Variants in SWT1 observed in about 807,000 individuals in gnomAD.
SWT1 encodes SWT1 RNA endoribonuclease homolog.
In SWT1, 33 loss-of-function variants were observed where a neutral mutation model predicts 107.3. The ratio of observed to expected loss-of-function variants is 0.31; its 90% CI spans 0.23 to 0.41. SWT1 has a LOEUF of 0.41. SWT1 is among the 10% of genes least tolerant of loss of function. The pLI is 1.00. For missense variants in SWT1, 898 were observed against 1,028.9 expected (o/e 0.87, Z 1.74); for synonymous variants, 345 against 348.3 (o/e 0.99, Z 0.11).
chr1:185,251,786 A>T (rs543424393), intron 16 of SWT1, among the ~76,000 whole-genome samples: 1 of 150,428 alleles, frequency 6.6e-6, no homozygotes, highest in East Asian at 1.9e-4. Flanking sequence ...AAAACAATTT[A>T]TATATATATA....
intron 13 of SWT1, among the ~76,000 whole-genome samples, chr1:185,209,762 A>G (rs748075954): frequency 1.3e-4 from 20 of 152,204 alleles, no homozygotes; most frequent in Non-Finnish European, 2.6e-4. Context: ...GCTGGGTCAA[A>G]TGATATTTCT....
intron 10 of SWT1, among the ~76,000 whole-genome samples, chr1:185,196,732 A>G (rs1657424265): frequency 6.6e-6 from 1 of 151,804 alleles, no homozygotes; most frequent in South Asian, 2.1e-4. Flanking sequence ...TAGATATTTT[A>G]TTGTCTTTGT....
At chr1:185,199,758 T>C (rs1161701934) in intron 10 of SWT1, among the ~76,000 whole-genome samples, 1 of 152,188 alleles carries the variant, frequency 6.6e-6, no homozygotes, top group East Asian at 1.9e-4. Context: ...CTTTGTGGTG[T>C]TCTCTGTATT....
At chr1:185,158,304 G>A (rs1653815510) in intron 1 of SWT1, among the ~76,000 whole-genome samples, 1 of 151,760 alleles carries the variant, frequency 6.6e-6, no homozygotes, top group Non-Finnish European at 1.5e-5. Flanking sequence ...CCAGTTTAAT[G>A]GGAACAGATT....
At chr1:185,221,745 C>A (rs1299954536) in intron 14 of SWT1, 104 bp from the exon 15 acceptor site, 1 of 695,572 alleles carries the variant, frequency 1.4e-6, no homozygotes. Flanking sequence ...GAATTGCCAC[C>A]ACTTCTCAGA....
intron 18 of SWT1, among the ~76,000 whole-genome samples, chr1:185,287,940 C>T (rs1034996090): frequency 1.2e-4 from 18 of 151,994 alleles, no homozygotes; most frequent in African/African-American, 4.3e-4. Flanking sequence ...TTCTTAATTA[C>T]AAGGGGTGAG....
chr1:185,165,558 C>T (rs1249661182), intron 2 of SWT1, among the ~76,000 whole-genome samples: 1 of 152,198 alleles, frequency 6.6e-6, no homozygotes, highest in Non-Finnish European at 1.5e-5. Flanking sequence ...GCATTTGCTT[C>T]CTTATAGTCT....
chr1:185,163,258 C>T (rs1571384630), intron 2 of SWT1, among the ~76,000 whole-genome samples: 1 of 152,124 alleles, frequency 6.6e-6, no homozygotes, highest in Admixed American at 6.5e-5. Context: ...GTCTCTCAAA[C>T]CCTATGTAAT....
chr1:185,168,467 A>AT, intron 4 of SWT1, 69 bp downstream of exon 4: 6 of 988,130 alleles, frequency 6.1e-6, no homozygotes, highest in East Asian at 3.6e-5. Flanking sequence ...GGATTTAAAA[A>AT]TTTTTTTTAT....
rs549571123 is a variant in SWT1 at position 185,174,607 on chromosome 1, C to A, written c.460C>A (p.Pro154Thr). Reference protein sequence around the residue: ...LDHGIKSLSSPKIASDVKPKA... With the variant: ...LDHGIKSLSSTKIASDVKPKA... ...CCATGGAATTAAAAGCCTTAGTAGT[C>A]CTAAGATTGCCAGTGATGTGAAACC... The change falls in exon 5 of 19, where the codon CCT becomes ACT. Residue 154 changes from proline (P) to threonine (T), a missense_variant. Around this residue, in one of 6 missense-constraint regions of SWT1, gnomAD observed 382 missense variants for 362.4 expected, o/e 1.05. Transcript: ENST00000367500. 6.2e-7 allele frequency: 1 copy of A among 1,610,968 alleles called. No individual in the cohort carries two copies. The highest frequency in any genetic ancestry group is 1.7e-5 in the Admixed American group (1 of 59,234).
intron 9 of SWT1, among the ~76,000 whole-genome samples, chr1:185,186,832 G>C (rs1656513102): frequency 6.6e-6 from 1 of 151,244 alleles, no homozygotes; most frequent in African/African-American, 2.4e-5. Context: ...TCAGCTCACT[G>C]CAACCTCCAC....
intron 16 of SWT1, among the ~76,000 whole-genome samples, chr1:185,253,372 G>A (rs1662206868): frequency 6.6e-6 from 1 of 151,770 alleles, no homozygotes; most frequent in African/African-American, 2.4e-5. Flanking sequence ...ATTACCTTGG[G>A]CAGTATGGCC....
chr1:185,167,047 A>G (rs561209259), intron 3 of SWT1, among the ~76,000 whole-genome samples: 1 of 152,230 alleles, frequency 6.6e-6, no homozygotes, highest in African/African-American at 2.4e-5. Flanking sequence ...AGCTGGGATT[A>G]CAGGCGTGCA....
chr1:185,221,480 T>G (rs1324320791), intron 14 of SWT1, among the ~76,000 whole-genome samples: 1 of 152,156 alleles, frequency 6.6e-6, no homozygotes, highest in African/African-American at 2.4e-5. Context: ...CCTTTACATT[T>G]TCTTAAAACT....
chr1:185,245,615 A>G (rs1347174927), intron 16 of SWT1, among the ~76,000 whole-genome samples: 1 of 152,202 alleles, frequency 6.6e-6, no homozygotes, highest in Non-Finnish European at 1.5e-5. Context: ...TGTATGTGCT[A>G]TACTTTTAGA....
chr1:185,201,491 T>G lies in SWT1; in HGVS notation c.1524-1163T>G, dbSNP rs540107036. On this transcript the variant is annotated intron_variant, in intron 10 of 18. Coordinates refer to ENST00000367500, the MANE Select transcript of SWT1 (RefSeq NM_017673.7). ...AGGGCACAGTCCCTCACAGCTTCCC[T>G]TGGCTAGGGGAGGGAGTTCCCTGAC... 2.6e-5 allele frequency among the ~76,000 whole-genome samples: 4 copies of G among 152,256 alleles called. No individual in the cohort carries two copies. The East Asian group carries it at 7.7e-4, about 29-fold the overall frequency.
At chr1:185,237,596 T>C (rs1387502219) in intron 16 of SWT1, among the ~76,000 whole-genome samples, 3 of 152,036 alleles carry the variant, frequency 2.0e-5, no homozygotes, top group Non-Finnish European at 1.5e-5. Context: ...ATACCTAATG[T>C]AGATGATGGG....
At chr1:185,246,513 G>T (rs1661617145) in intron 16 of SWT1, among the ~76,000 whole-genome samples, 1 of 151,534 alleles carries the variant, frequency 6.6e-6, no homozygotes, top group Admixed American at 6.6e-5. Context: ...CTGGGCTCAA[G>T]CTATCCACCC....
intron 2 of SWT1, among the ~76,000 whole-genome samples, chr1:185,164,250 G>A (rs2102303006): frequency 1.3e-5 from 2 of 151,572 alleles, no homozygotes; most frequent in Admixed American, 1.3e-4. Context: ...AAACACATGT[G>A]CTGTCATCCA....
Sources: gnomAD v4.1 joint callset for allele counts (sites outside exome capture counted in the v4.1 genomes callset) on GRCh38, gnomAD v4.1.1 for gene constraint, gnomAD v4.1.1 regional missense constraint, MANE v1.5 for transcripts, NCBI Gene and HGNC (gene_info 2026-07-23, HGNC 2026-07-21) for gene names.